Variants in GALNT13 observed in about 807,000 individuals in gnomAD.
GALNT13 encodes the protein UDP-GalNAc:polypeptide N-acetylgalactosaminyltransferase 13.
A neutral mutation model predicts 64.2 loss-of-function variants in GALNT13; 28 were observed. The ratio of observed to expected loss-of-function variants is 0.44; its 90% CI spans 0.32 to 0.60. The LOEUF (loss-of-function observed/expected upper bound fraction) is 0.60, where lower values mean the gene tolerates loss of function less well. Among genes scored for constraint, GALNT13 ranks in the 20% least tolerant of loss-of-function variants. The pLI, the probability that GALNT13 is intolerant of heterozygous loss-of-function variation, is 0.05. For synonymous variants in GALNT13, 214 were observed against 224.6 expected (o/e 0.95, Z 0.42); for missense variants, 577 against 669.8 (o/e 0.86, Z 1.53).
At chr2:154,119,309 T>A (rs1334632207) in intron 3 of GALNT13, among the ~76,000 whole-genome samples, 1 of 152,192 alleles carries the variant, frequency 6.6e-6, no homozygotes, top group African/African-American at 2.4e-5. Flanking sequence ...GACAGTTCTA[T>A]TGCCATTCAT....
chr2:153,399,762 G>T, the GALNT13 span, among the ~76,000 whole-genome samples: 1 of 152,128 alleles, frequency 6.6e-6, no homozygotes, highest in Non-Finnish European at 1.5e-5. Flanking sequence ...TGTGATTTTT[G>T]TACATTGATT....
At chr2:153,602,611 T>C in the GALNT13 span, among the ~76,000 whole-genome samples, 8 of 151,744 alleles carry the variant, frequency 5.3e-5, no homozygotes, top group African/African-American at 1.9e-4. Flanking sequence ...AAAAAAGGAA[T>C]AGCAAATAAA....
chr2:153,554,552 G>T, the GALNT13 span, among the ~76,000 whole-genome samples: 1 of 152,052 alleles, frequency 6.6e-6, no homozygotes, highest in Admixed American at 6.5e-5. Flanking sequence ...AATGCATCTG[G>T]AATTTAAACC....
chr2:154,424,313 C>T (rs1003162889), intron 11 of GALNT13, among the ~76,000 whole-genome samples: 1 of 152,152 alleles, frequency 6.6e-6, no homozygotes. Context: ...CTCCCACTTG[C>T]AAACGGAGTG....
At chr2:153,944,326 G>C (rs1033205059) in intron 2 of GALNT13, 68 bp from the exon 3 acceptor site, 3 of 545,900 alleles carry the variant, frequency 5.5e-6, no homozygotes. Context: ...TACATTTCAT[G>C]TTATATGTTC....
intron 3 of GALNT13, among the ~76,000 whole-genome samples, chr2:154,113,848 A>G (rs1369185668): frequency 2.6e-5 from 4 of 152,354 alleles, no homozygotes; most frequent in East Asian, 1.9e-4. Flanking sequence ...CTGAAGGCCA[A>G]TTGCTTCTGG....
chr2:153,989,051 C>G (rs776636289), intron 3 of GALNT13, among the ~76,000 whole-genome samples: 9 of 99,048 alleles, frequency 9.1e-5, no homozygotes, highest in Non-Finnish European at 1.7e-4. Context: ...AGTAAAGTTA[C>G]ATATTACTGT....
At chr2:153,190,821 T>C in the GALNT13 span, among the ~76,000 whole-genome samples, 1 of 152,074 alleles carries the variant, frequency 6.6e-6, no homozygotes, top group Non-Finnish European at 1.5e-5. Flanking sequence ...CTAGGTATTT[T>C]ATTTTTTGGT....
At chr2:154,043,497 A>G (rs1699122420) in intron 3 of GALNT13, among the ~76,000 whole-genome samples, 2 of 146,966 alleles carry the variant, frequency 1.4e-5, no homozygotes, top group Admixed American at 1.4e-4. Flanking sequence ...AAATAGAAAT[A>G]AGGTCTCTAT....
At chr2:153,463,868 G>A in the GALNT13 span, among the ~76,000 whole-genome samples, 2 of 151,942 alleles carry the variant, frequency 1.3e-5, no homozygotes, top group Non-Finnish European at 2.9e-5. Context: ...GGAGGTGATG[G>A]TATCACAATT....
At chr2:153,503,602 G>A in the GALNT13 span, among the ~76,000 whole-genome samples, 88 of 152,002 alleles carry the variant, frequency 5.8e-4, no homozygotes, top group Non-Finnish European at 9.7e-4. Context: ...CACCATACCC[G>A]GCTAATTTTT....
the GALNT13 span, among the ~76,000 whole-genome samples, chr2:153,400,045 GA>G: frequency 1.3e-5 from 2 of 151,936 alleles, no homozygotes; most frequent in African/African-American, 4.8e-5. Context: ...CATTCAGTAT[GA>G]TACTGGCTGT....
At chr2:153,332,306 T>G in the GALNT13 span, among the ~76,000 whole-genome samples, 1 of 152,318 alleles carries the variant, frequency 6.6e-6, no homozygotes, top group African/African-American at 2.4e-5. Flanking sequence ...AAGGTAGACC[T>G]TTAGCATTAT....
intron 3 of GALNT13, among the ~76,000 whole-genome samples, chr2:154,107,488 G>A (rs1406850768): frequency 6.6e-6 from 1 of 151,232 alleles, no homozygotes; most frequent in African/African-American, 2.4e-5. Context: ...TACTTGGGAG[G>A]CTGAGGCAAG....
chr2:154,371,186 A>G (rs889276253), intron 9 of GALNT13, among the ~76,000 whole-genome samples: 35 of 143,076 alleles, frequency 2.4e-4, no homozygotes, highest in Non-Finnish European at 9.4e-5. Context: ...CAGAATAGGA[A>G]GTGTGGAAAT....
At chr2:154,214,404 C>T (rs1687935458) in intron 4 of GALNT13, among the ~76,000 whole-genome samples, 2 of 152,238 alleles carry the variant, frequency 1.3e-5, no homozygotes, top group East Asian at 1.9e-4. Context: ...CTCTCATTCT[C>T]ATTCCCTTCT....
chr2:153,511,966 TGAAAG>T, the GALNT13 span, among the ~76,000 whole-genome samples: 5 of 152,036 alleles, frequency 3.3e-5, no homozygotes, highest in Admixed American at 1.3e-4. Context: ...GGAAAGTTCT[TGAAAG>T]GAAGATTATG....
chr2:153,313,996 C>T, the GALNT13 span, among the ~76,000 whole-genome samples: 1 of 152,000 alleles, frequency 6.6e-6, no homozygotes, highest in Non-Finnish European at 1.5e-5. Context: ...CCTGGCTTCT[C>T]TCATAGAGGC....
chr2:153,635,407 T>TATACACATATATATGTATAC, the GALNT13 span, among the ~76,000 whole-genome samples: 62 of 147,466 alleles, frequency 4.2e-4, 2 homozygotes, highest in African/African-American at 1.5e-3. Flanking sequence ...TGTATATATA[T>TATACACATATATATGTATAC]ATATATATAC....
Sources: gnomAD v4.1 joint callset for allele counts (sites outside exome capture counted in the v4.1 genomes callset) on GRCh38, gnomAD v4.1.1 for gene constraint, MANE v1.5 for transcripts, NCBI Gene and HGNC (gene_info 2026-07-23, HGNC 2026-07-21) for gene names.